CACFD1: variants seen among roughly 807,000 people sequenced by gnomAD.
CACFD1 encodes calcium channel flower homolog.
A neutral mutation model predicts 21.3 loss-of-function variants in CACFD1; 26 were observed. The observed-to-expected ratio is 1.22, with a 90% CI of 0.89 to 1.69. CACFD1 has a LOEUF of 1.69. CACFD1 is among the 40% of genes most tolerant of loss of function. The pLI is 0.00. For missense variants in CACFD1, 265 were observed against 236.2 expected (o/e 1.12, Z -0.80); for synonymous variants, 121 against 106.6 (o/e 1.13, Z -0.83).
At chr9:133,466,732 C>T (rs140193101) in intron 3 of CACFD1, among the ~76,000 whole-genome samples, 51 of 152,118 alleles carry the variant, frequency 3.4e-4, no homozygotes, top group African/African-American at 8.5e-4. Flanking sequence ...GTCTCTCCCC[C>T]GCCCCCACCC....
intron 1 of CACFD1, chr9:133,462,235 G>T: frequency 7.7e-7 from 1 of 1,304,306 alleles, no homozygotes; most frequent in Non-Finnish European, 1.0e-6. Context: ...GCCAGGCACA[G>T]CAGAGAGGCA....
At chr9:133,460,286 C>T (rs944872524) in intron 1 of CACFD1, 99 bp downstream of exon 1, 5 of 1,134,640 alleles carry the variant, frequency 4.4e-6, no homozygotes, top group African/African-American at 1.6e-5. Context: ...GGAAAGGACC[C>T]GCTGGGGGTC....
At chr9:133,466,779 A>T (rs587661532) in intron 3 of CACFD1, among the ~76,000 whole-genome samples, 1 of 145,430 alleles carries the variant, frequency 6.9e-6, no homozygotes, top group African/African-American at 2.6e-5. Flanking sequence ...ATTCGCATTT[A>T]TCTATTTGTT....
chr9:133,470,528 G>C lies in CACFD1; in HGVS notation c.*1875G>C, dbSNP rs944529319. 9.2e-5 allele frequency: 14 copies of C among 152,504 alleles called. No homozygotes were observed. The highest frequency in any genetic ancestry group is 1.9e-4 in the Non-Finnish European group (13 of 68,288). 9.4% of individuals were successfully genotyped at this position (152,504 alleles called of 1,614,324 possible). Reference sequence around the variant, plus strand: ...AGGCCCTGGGCCACAGGCGAGAGTGGGCGTGTCACCTGTCCCAGGTTCCCA... The same window carrying C: ...AGGCCCTGGGCCACAGGCGAGAGTGCGCGTGTCACCTGTCCCAGGTTCCCA... On this transcript the variant is annotated 3_prime_UTR_variant, in exon 5 of 5. Transcript: ENST00000316948.
chr9:133,468,797 A>G lies in CACFD1; in HGVS notation c.*144A>G. 1 of 1,383,844 alleles carries G rather than the reference A, an allele frequency of 7.2e-7. No individual in the cohort carries two copies. The highest frequency in any genetic ancestry group is 9.5e-7 in the Non-Finnish European group (1 of 1,054,152). 85.7% of individuals were successfully genotyped at this position (1,383,844 alleles called of 1,614,324 possible). A position where few individuals can be genotyped will look rare whatever the true frequency, so the allele number is the denominator to read the frequency against. On this transcript the variant is annotated 3_prime_UTR_variant, in exon 5 of 5. Transcript: ENST00000316948. ...CCTGGAGTCCTCTGCTCCTTTCTCC[A>G]GACTGGCTTAAGCCAGGAGCCACTG...
intron 3 of CACFD1, among the ~76,000 whole-genome samples, chr9:133,466,600 C>G (rs587775560): frequency 2.0e-5 from 3 of 152,094 alleles, no homozygotes; most frequent in Non-Finnish European, 4.4e-5. Flanking sequence ...AAAACTTTTT[C>G]TGTGTTTATG....
intron 4 of CACFD1, 198 bp from the exon 5 acceptor site, chr9:133,468,365 G>C (rs3094381): frequency 6.5e-7 from 1 of 1,535,744 alleles, no homozygotes; most frequent in Admixed American, 2.0e-5. Flanking sequence ...TGGTTCCTTC[G>C]CAGCCCAGCA....
In CACFD1 at chr9:133,468,698, G is replaced by A. The variant is rs371182912; in HGVS notation, c.*45G>A. The A allele has an allele frequency of 2.7e-5, 41 of 1,528,422 alleles. No individual in the cohort carries two copies. The highest frequency in any genetic ancestry group is 2.5e-4 in the African/African-American group (18 of 73,376). 94.7% of individuals were successfully genotyped at this position (1,528,422 alleles called of 1,614,324 possible). A position where few individuals can be genotyped will look rare whatever the true frequency, so the allele number is the denominator to read the frequency against. On this transcript the variant is annotated 3_prime_UTR_variant, in exon 5 of 5. Transcript: ENST00000316948. Reference sequence around the variant, plus strand: ...TCCCTGTCCCCTCTTCTGGCTCTGTGTGGGTCCAAGTGAGGCCTGGACTGT... The same window carrying A: ...TCCCTGTCCCCTCTTCTGGCTCTGTATGGGTCCAAGTGAGGCCTGGACTGT...
rs1319785520 is a variant in CACFD1, at chr9:133,460,289, TG to T, written c.121+107del. On this transcript the variant is annotated intron_variant, in intron 1 of 4. Transcript: ENST00000316948. ...GGCGGCCCCAGGGGAAAGGACCCGC[TG>T]GGGGTCGGGGGTCTGCCGGGCGCCT... 3.6e-6 allele frequency: 4 copies of T among 1,123,132 alleles called. No homozygotes were observed. The Admixed American group carries it at 1.7e-4, about 47-fold the overall frequency. The allele number at this position is 1,123,132 out of a possible 1,614,324, so 69.6% of individuals were successfully genotyped here.
At position 133,465,498 on chromosome 9, in the gene CACFD1, T is replaced by C. The variant is rs1213276571; in HGVS notation, c.320+51T>C. The C allele has an allele frequency of 6.4e-7, 1 of 1,558,998 alleles. No individual in the cohort carries two copies. Among genetic ancestry groups the C allele is most frequent in the Non-Finnish European group, 8.7e-7 (1 of 1,149,216 alleles). On this transcript the variant is annotated intron_variant, in intron 3 of 4. Coordinates refer to ENST00000316948, the MANE Select transcript of CACFD1 (RefSeq NM_017586.5). This position sits in a 1 kb window ranked among gnomAD's most constrained non-coding sequence, Gnocchi z 5.0. Reference sequence around the variant, plus strand: ...GTGACACAGTTCCCCAAAACCCCACTGACAAAATAGGACCCAAAAGTCAGG... The same window carrying C: ...GTGACACAGTTCCCCAAAACCCCACCGACAAAATAGGACCCAAAAGTCAGG...
Position 133,463,508 on chromosome 9 carries a change from C to G in CACFD1, c.147C>G (p.Asn49Lys), listed in dbSNP as rs782662490. ...CTTGCGCGATCTCTGGCCTCTTCAA[C>G]TGCATCACCATCCACCCTCTGAACA... is the stretch of plus-strand genomic sequence containing the variant. ...AVSCAISGLF[N>K]CITIHPLNIA... The change falls in exon 2 of 5, where the codon AAC (asparagine) becomes AAG (lysine). Residue 49 changes from asparagine (N) to lysine (K), a missense_variant. By Grantham distance (94) the Asn-to-Lys change is moderately conservative. Coordinates refer to ENST00000316948, the MANE Select transcript of CACFD1 (RefSeq NM_017586.5). 3 of 1,614,158 alleles carry G rather than the reference C, an allele frequency of 1.9e-6. No individual in the cohort carries two copies. Among genetic ancestry groups the G allele is most frequent in the Non-Finnish European group, 2.5e-6 (3 of 1,180,014 alleles).
In CACFD1 at chr9:133,468,676, C is replaced by T. The variant is rs1554800211; in HGVS notation, c.*23C>T. On this transcript the variant is annotated 3_prime_UTR_variant, in exon 5 of 5. Coordinates refer to ENST00000316948, the MANE Select transcript of CACFD1 (RefSeq NM_017586.5). ...TGAAGGGCTGGGCGCCCCTCCCTCC[C>T]TGTCCCCTCTTCTGGCTCTGTGTGG... 3 of 1,549,436 alleles carry T rather than the reference C, an allele frequency of 1.9e-6. No homozygotes were observed. The highest frequency in any genetic ancestry group is 1.4e-5 in the African/African-American group (1 of 74,006).
rs782739126 is a variant in CACFD1 at position 133,468,578 on chromosome 9, C to T, written c.444C>T (p.Ser148=). 3 of 1,586,098 alleles carry T rather than the reference C, an allele frequency of 1.9e-6. No homozygotes were observed. The highest frequency in any genetic ancestry group is 1.2e-5 in the South Asian group (1 of 86,470). ...SALGKKGDAI[S]YARIQQQRQQ... is the part of the protein sequence containing the mutation. Reference sequence around the variant, plus strand: ...CTCTCCCCAGGGGCGATGCGATCTCCTATGCCAGGATCCAGCAGCAGAGGC... The same window carrying T: ...CTCTCCCCAGGGGCGATGCGATCTCTTATGCCAGGATCCAGCAGCAGAGGC... Residue 148 remains serine, a synonymous_variant, in exon 5 of 5, where the codon TCC becomes TCT. Transcript: ENST00000316948.
intron 4 of CACFD1, 100 bp from the exon 5 acceptor site, chr9:133,468,463 A>G (rs367859124): frequency 2.0e-6 from 3 of 1,537,584 alleles, no homozygotes; most frequent in Non-Finnish European, 1.7e-6. Flanking sequence ...GAATGCCTGC[A>G]GGTCACACCT....
chr9:133,468,535 A>G (rs1554800088), intron 4 of CACFD1, 28 bp from the exon 5 acceptor site: 1 of 1,558,694 alleles, frequency 6.4e-7, no homozygotes, highest in South Asian at 1.2e-5. Flanking sequence ...CTGGTGCTCC[A>G]CGTGACGCTG....
intron 1 of CACFD1, 109 bp downstream of exon 1, chr9:133,460,296 C>T (rs1843095333): frequency 1.9e-6 from 2 of 1,044,774 alleles, no homozygotes; most frequent in Non-Finnish European, 1.3e-6. Context: ...CGCTGGGGGT[C>T]GGGGGTCTGC....
At chr9:133,464,260 G>A (rs1353749983) in intron 2 of CACFD1, among the ~76,000 whole-genome samples, 1 of 152,246 alleles carries the variant, frequency 6.6e-6, no homozygotes, top group African/African-American at 2.4e-5. Context: ...CCCGTCCCCA[G>A]TGACCTATGG....
chr9:133,464,030 C>A (rs891087264), intron 2 of CACFD1, among the ~76,000 whole-genome samples: 3 of 152,156 alleles, frequency 2.0e-5, no homozygotes, highest in Non-Finnish European at 2.9e-5. Context: ...ATGGGAGAGG[C>A]GGGTCGGAGT....
In CACFD1 at chr9:133,468,573, A is replaced by C; in HGVS notation, c.439A>C (p.Ile147Leu). The C allele has an allele frequency of 6.3e-7, 1 of 1,583,870 alleles. No homozygotes were observed. Among genetic ancestry groups the C allele is most frequent in the Non-Finnish European group, 8.6e-7 (1 of 1,167,024 alleles). Residue 147 changes from isoleucine to leucine, a missense_variant, in exon 5 of 5, where the codon ATC becomes CTC. Physicochemically the swap from Ile to Leu is conservative, Grantham distance 5. Transcript: ENST00000316948. ...LSALGKKGDAISYARIQQQRQ... is the reference protein window; with the variant it reads ...LSALGKKGDALSYARIQQQRQ... ...TCTCTCTCTCCCCAGGGGCGATGCG[A>C]TCTCCTATGCCAGGATCCAGCAGCA...
Sources: gnomAD v4.1 joint callset for allele counts (sites outside exome capture counted in the v4.1 genomes callset) on GRCh38, gnomAD v4.1.1 for gene constraint, Gnocchi (gnomAD v3.1) non-coding constraint, MANE v1.5 for transcripts, NCBI Gene and HGNC (gene_info 2026-07-23, HGNC 2026-07-21) for gene names.